The following PHC2 variants were observed in gnomAD, a reference collection of about 807,000 sequenced individuals.
PHC2 encodes the protein polyhomeotic-like protein 2.
PHC2 carries 29 observed loss-of-function variants against 87.4 expected under a neutral mutation model. That is an observed-to-expected ratio of 0.33 (90% CI 0.25 to 0.45). The LOEUF (loss-of-function observed/expected upper bound fraction) is 0.45. PHC2 is among the 20% of genes least tolerant of loss of function. The pLI is 1.00. For missense variants in PHC2, 857 were observed against 1,136.7 expected (o/e 0.75, Z 3.54); for synonymous variants, 438 against 461.7 (o/e 0.95, Z 0.66).
chr1:33,375,368 G>A lies in PHC2; in HGVS notation c.172C>T (p.Gln58Ter). 1.9e-6 allele frequency: 3 copies of A among 1,572,232 alleles called. No homozygotes were observed. The highest frequency in any genetic ancestry group is 1.7e-6 in the Non-Finnish European group (2 of 1,157,314). The change falls in exon 2 of 15, where the codon CAG becomes TAG. Residue 58 changes from glutamine (Q) to a stop codon, truncating the protein, a stop_gained and splice_region_variant. Transcript: ENST00000683057. LOFTEE classifies it high-confidence loss of function. ...YSGIPDRQTVQVIQQALHRQP... is the reference protein window; with the variant it reads ...YSGIPDRQTV ...TCCCAGATCAATTAGACTCTTACCTGCACGGTCTGCCGGTCTGGAATACCA... is the reference window on the plus strand; with the variant it reads ...TCCCAGATCAATTAGACTCTTACCTACACGGTCTGCCGGTCTGGAATACCA...
rs1427258046 is a variant in PHC2, at chr1:33,362,850, CATA to C, written c.976+4263_976+4265del. On this transcript the variant is annotated intron_variant, in intron 7 of 14. Coordinates refer to ENST00000683057, the MANE Select transcript of PHC2 (RefSeq NM_001385109.1). ...TCTCTTTAACACCCATAGTGTTCAG[CATA>C]ATGTTTGGCACATAAGAGGTGCTAA... 4.6e-5 allele frequency among the ~76,000 whole-genome samples: 7 copies of C among 152,326 alleles called. No individual in the cohort carries two copies. In the East Asian group the frequency reaches 9.6e-4, roughly 21 times the overall value.
chr1:33,404,908 T>C (rs975595719), intron 1 of PHC2, among the ~76,000 whole-genome samples: 5 of 152,190 alleles, frequency 3.3e-5, no homozygotes, highest in Admixed American at 3.3e-4. Context: ...TACTTTGCAT[T>C]AGTTGGTAAT....
At chr1:33,333,478 T>C (rs1646550843) in intron 10 of PHC2, 1 of 156,906 alleles carries the variant, frequency 6.4e-6, no homozygotes, top group Non-Finnish European at 1.4e-5. Flanking sequence ...GAAGCAGCTC[T>C]GGGTGCTTTG....
chr1:33,416,091 TA>T (rs1304186234), intron 1 of PHC2, among the ~76,000 whole-genome samples: 2 of 151,916 alleles, frequency 1.3e-5, no homozygotes, highest in African/African-American at 4.8e-5. Flanking sequence ...GAAGGGAACA[TA>T]AAAAAATATT....
At chr1:33,327,576 A>T (rs1014655940) in intron 14 of PHC2, among the ~76,000 whole-genome samples, 6 of 152,150 alleles carry the variant, frequency 3.9e-5, no homozygotes, top group African/African-American at 1.2e-4. Flanking sequence ...ATTGTGAAAA[A>T]TTTTAATTAA....
intron 1 of PHC2, among the ~76,000 whole-genome samples, chr1:33,416,591 A>AAG (rs1195801615): frequency 1.3e-5 from 2 of 150,746 alleles, no homozygotes; most frequent in Non-Finnish European, 3.0e-5. Context: ...AAAGAAAAAA[A>AAG]AAAAAAAAAA....
chr1:33,426,004 C>T (rs1650652631), intron 1 of PHC2, among the ~76,000 whole-genome samples: 1 of 152,114 alleles, frequency 6.6e-6, no homozygotes, highest in Non-Finnish European at 1.5e-5. Flanking sequence ...AGGACTTGGT[C>T]AAGTGGTAAG....
chr1:33,362,163 C>T (rs761208299), intron 7 of PHC2, among the ~76,000 whole-genome samples: 1 of 152,326 alleles, frequency 6.6e-6, no homozygotes, highest in Non-Finnish European at 1.5e-5. Flanking sequence ...TGATACATAG[C>T]ACATACTTGT....
chr1:33,354,783 G>A (rs542306651), intron 8 of PHC2, 55 bp downstream of exon 8: 460 of 1,563,846 alleles, frequency 2.9e-4, no homozygotes, highest in Non-Finnish European at 3.8e-4. Flanking sequence ...CTGTGGGGTC[G>A]TCCGAGCTGT....
chr1:33,371,546 C>T (rs894729853), intron 3 of PHC2, among the ~76,000 whole-genome samples: 29 of 152,212 alleles, frequency 1.9e-4, no homozygotes, highest in Non-Finnish European at 3.4e-4. Context: ...ACCCAGCCAC[C>T]GCCCCCCACA....
At chr1:33,351,696 T>G (rs945344442) in intron 9 of PHC2, among the ~76,000 whole-genome samples, 1 of 152,086 alleles carries the variant, frequency 6.6e-6, no homozygotes, top group African/African-American at 2.4e-5. Context: ...CTCACACCTG[T>G]AATCCCAGCA....
At chr1:33,339,663 C>T (rs973096037) in intron 9 of PHC2, among the ~76,000 whole-genome samples, 25 of 152,174 alleles carry the variant, frequency 1.6e-4, no homozygotes, top group Non-Finnish European at 2.6e-4. Flanking sequence ...TGAGGACAGA[C>T]GTCAGGCTGG....
At chr1:33,418,726 T>C (rs1435244032) in intron 1 of PHC2, among the ~76,000 whole-genome samples, 1 of 152,194 alleles carries the variant, frequency 6.6e-6, no homozygotes, top group Non-Finnish European at 1.5e-5. Flanking sequence ...AAGAAACTCC[T>C]ACCTACTCAT....
At position 33,349,302 on chromosome 1, in the gene PHC2, G is replaced by T. The variant is rs533529392; in HGVS notation, c.1558+5099C>A. 1.0e-6 allele frequency: 1 copy of T among 985,214 alleles called. No individual in the cohort carries two copies. Among genetic ancestry groups the T allele is most frequent in the Non-Finnish European group, 1.2e-6 (1 of 829,840 alleles). 61.0% of individuals were successfully genotyped at this position (985,214 alleles called of 1,614,324 possible). A position where few individuals can be genotyped will look rare whatever the true frequency, so the allele number is the denominator to read the frequency against. On this transcript the variant is annotated intron_variant, in intron 9 of 14. Transcript: ENST00000683057. The surrounding 1 kb of genome is among the most constrained non-coding windows in gnomAD (Gnocchi z 4.2). ...GGAAGTCGCAGCGGCGGGGAGGCCGGTCCTAGGTTGGGGCTGGGGTGGGGT... is the reference window on the plus strand; with the variant it reads ...GGAAGTCGCAGCGGCGGGGAGGCCGTTCCTAGGTTGGGGCTGGGGTGGGGT...
chr1:33,339,208 G>A (rs549203463), intron 9 of PHC2, among the ~76,000 whole-genome samples: 124 of 152,312 alleles, frequency 8.1e-4, no homozygotes, highest in South Asian at 1.9e-3. Flanking sequence ...CTAACCCCAT[G>A]TCCAAAATAT....
At chr1:33,363,986 C>T (rs1271277731) in intron 7 of PHC2, 2 of 720,998 alleles carry the variant, frequency 2.8e-6, no homozygotes, top group Non-Finnish European at 3.4e-6. Flanking sequence ...TGTTCTCCGC[C>T]CCTTACTCCC....
At chr1:33,379,322 CCCCCTG>C (rs1648354677) in intron 1 of PHC2, among the ~76,000 whole-genome samples, 1 of 86,940 alleles carries the variant, frequency 1.2e-5, no homozygotes, top group Non-Finnish European at 2.4e-5. Flanking sequence ...CCCCCACTGC[CCCCCTG>C]CCCCCCACCC....
chr1:33,383,543 G>A (rs1648591337), intron 1 of PHC2, among the ~76,000 whole-genome samples: 1 of 152,160 alleles, frequency 6.6e-6, no homozygotes, highest in Admixed American at 6.5e-5. Context: ...ATAACAAGGT[G>A]GTGCTGGTTG....
chr1:33,385,678 C>T (rs772782781), intron 1 of PHC2, among the ~76,000 whole-genome samples: 3 of 152,068 alleles, frequency 2.0e-5, no homozygotes, highest in South Asian at 4.1e-4. Context: ...ATTTTGAGAC[C>T]GGCTGGTCTC....
Sources: allele counts gnomAD v4.1 joint callset (sites outside exome capture counted in the v4.1 genomes callset), GRCh38; gene constraint gnomAD v4.1.1; non-coding constraint Gnocchi (gnomAD v3.1); transcripts MANE v1.5; gene names NCBI Gene and HGNC (gene_info 2026-07-23, HGNC 2026-07-21).